ITFG1: variants seen among roughly 807,000 people sequenced by gnomAD.
ITFG1 encodes integrin alpha FG-GAP repeat containing 1.
Under a neutral mutation model 81.8 loss-of-function variants are expected in ITFG1, and 34 were observed. The ratio of observed to expected loss-of-function variants is 0.42; its 90% CI spans 0.32 to 0.55. The LOEUF (loss-of-function observed/expected upper bound fraction) is 0.55, where lower values mean the gene tolerates loss of function less well. ITFG1 is among the 20% of genes least tolerant of loss of function. ITFG1 has a pLI of 0.17. For synonymous variants in ITFG1, 285 were observed against 270.6 expected (o/e 1.05, Z -0.52); for missense variants, 672 against 755.4 (o/e 0.89, Z 1.29).
intron 17 of ITFG1, among the ~76,000 whole-genome samples, chr16:47,156,391 T>C (rs1222118396): frequency 2.0e-5 from 3 of 152,140 alleles, no homozygotes; most frequent in African/African-American, 7.2e-5. Context: ...TGAGTCAAGA[T>C]TGCACCACTG....
At chr16:47,432,091 C>T (rs1012934600) in intron 5 of ITFG1, among the ~76,000 whole-genome samples, 2 of 152,214 alleles carry the variant, frequency 1.3e-5, no homozygotes, top group Non-Finnish European at 2.9e-5. Flanking sequence ...TCATCAATAT[C>T]TGTAGCCACA....
intron 6 of ITFG1, among the ~76,000 whole-genome samples, chr16:47,422,326 C>T (rs1968961356): frequency 6.6e-6 from 1 of 152,222 alleles, no homozygotes; most frequent in Admixed American, 6.5e-5. Context: ...TCTCCACATC[C>T]TCTCCAGCAT....
Position 47,375,923 on chromosome 16 carries a change from A to G in ITFG1, c.673T>C (p.Leu225=), listed in dbSNP as rs746798171. 3.2e-5 allele frequency: 51 copies of G among 1,604,592 alleles called. No individual in the cohort carries two copies. The highest frequency in any genetic ancestry group is 3.8e-5 in the Non-Finnish European group (45 of 1,172,046). The change falls in exon 7 of 18, where the codon TTG becomes CTG. Residue 225 remains leucine, a synonymous_variant. Transcript: ENST00000320640. The stretch of plus-strand genomic sequence containing the variant: ...TGGAAGGTACTAGTGGTGGCATTCA[A>G]TGTCGTCAGGAATAAATCTAGAAGG... The part of the protein sequence containing the change: ...DFTADLFLTT[L]NATTSTFQFE...
intron 8 of ITFG1, among the ~76,000 whole-genome samples, chr16:47,322,465 G>A (rs1019904556): frequency 2.0e-5 from 3 of 152,156 alleles, no homozygotes; most frequent in Admixed American, 6.5e-5. Flanking sequence ...GAGGTGGGTG[G>A]ATCACCTGAG....
intron 6 of ITFG1, among the ~76,000 whole-genome samples, chr16:47,411,620 C>A (rs1187947290): frequency 6.6e-6 from 1 of 152,158 alleles, no homozygotes; most frequent in Non-Finnish European, 1.5e-5. Context: ...GGACGACCAG[C>A]AGGACTCTGA....
chr16:47,342,062 G>A (rs1967791577), intron 8 of ITFG1, among the ~76,000 whole-genome samples: 1 of 152,060 alleles, frequency 6.6e-6, no homozygotes, highest in Non-Finnish European at 1.5e-5. Context: ...TTCCCAACTC[G>A]TTTTATGAAG....
chr16:47,310,834 T>G (rs1648952736), intron 10 of ITFG1, among the ~76,000 whole-genome samples: 1 of 152,152 alleles, frequency 6.6e-6, no homozygotes, highest in Non-Finnish European at 1.5e-5. Flanking sequence ...AGAGTCTGAG[T>G]AATATGACCA....
chr16:47,304,958 A>G (rs949445839), intron 10 of ITFG1, among the ~76,000 whole-genome samples: 2 of 152,208 alleles, frequency 1.3e-5, no homozygotes, highest in Non-Finnish European at 2.9e-5. Context: ...CTTAAGAAAT[A>G]CAAAAGTTAA....
intron 13 of ITFG1, among the ~76,000 whole-genome samples, chr16:47,228,018 A>C (rs1965775581): frequency 1.3e-5 from 2 of 152,214 alleles, no homozygotes; most frequent in Non-Finnish European, 2.9e-5. Flanking sequence ...TAAATAAAAC[A>C]TTATTTCCTT....
intron 14 of ITFG1, among the ~76,000 whole-genome samples, chr16:47,197,914 A>T (rs1185962888): frequency 6.6e-6 from 1 of 152,194 alleles, no homozygotes; most frequent in East Asian, 1.9e-4. Context: ...CTCTGACTTT[A>T]CTTCAGTATG....
At chr16:47,250,698 G>A (rs1361948944) in intron 12 of ITFG1, among the ~76,000 whole-genome samples, 1 of 152,148 alleles carries the variant, frequency 6.6e-6, no homozygotes, top group Non-Finnish European at 1.5e-5. Flanking sequence ...TCACTGCAAT[G>A]TTCAAAAATA....
intron 13 of ITFG1, among the ~76,000 whole-genome samples, chr16:47,223,297 C>T (rs1348251300): frequency 2.0e-5 from 3 of 152,120 alleles, no homozygotes; most frequent in Non-Finnish European, 2.9e-5. Context: ...AGTGAACAGG[C>T]AACCTACAAA....
intron 8 of ITFG1, among the ~76,000 whole-genome samples, chr16:47,341,427 A>G (rs949404059): frequency 6.7e-6 from 1 of 150,282 alleles, no homozygotes. Flanking sequence ...GAAAAAAAAA[A>G]AGAAAATACT....
chr16:47,342,012 CCTT>C (rs1967790797), intron 8 of ITFG1, among the ~76,000 whole-genome samples: 1 of 152,144 alleles, frequency 6.6e-6, no homozygotes, highest in South Asian at 2.1e-4. Flanking sequence ...TAGCATCAAA[CCTT>C]CTCAAATTCT....
intron 10 of ITFG1, among the ~76,000 whole-genome samples, chr16:47,285,152 G>A (rs992325838): frequency 6.6e-6 from 1 of 152,232 alleles, no homozygotes; most frequent in Admixed American, 6.5e-5. Context: ...CTCCGTTCAC[G>A]CTAATGTTCC....
chr16:47,187,040 A>G (rs1965227790), intron 14 of ITFG1, among the ~76,000 whole-genome samples: 1 of 152,164 alleles, frequency 6.6e-6, no homozygotes, highest in Admixed American at 6.5e-5. Context: ...AATACCTAGG[A>G]ATCCAACTTA....
chr16:47,263,963 A>G (rs1966243582), intron 10 of ITFG1, among the ~76,000 whole-genome samples: 1 of 152,220 alleles, frequency 6.6e-6, no homozygotes, highest in Non-Finnish European at 1.5e-5. Context: ...GATTTAAGCC[A>G]AAGGAGGAAG....
intron 10 of ITFG1, among the ~76,000 whole-genome samples, chr16:47,298,437 GCTT>G (rs1002045861): frequency 9.9e-5 from 15 of 151,908 alleles, no homozygotes; most frequent in African/African-American, 3.6e-4. Context: ...GAAAACAGTT[GCTT>G]CTTCTTGCTT....
At position 47,378,715 on chromosome 16, in the gene ITFG1, G is replaced by T. The variant is rs973646997; in HGVS notation, c.656-2775C>A. On this transcript the variant is annotated intron_variant, in intron 6 of 17. Coordinates refer to ENST00000320640, the MANE Select transcript of ITFG1 (RefSeq NM_030790.5). ...CATCTTACTATTCAATTATGTAAAG[G>T]GGCATAGAAAAAATAAATGATTCAT... Among the ~76,000 whole-genome samples the T allele has an allele frequency of 5.3e-5, 8 of 151,624 alleles. No individual in the cohort carries two copies. In the South Asian group the frequency reaches 1.7e-3, roughly 32 times the overall value.
Sources: gnomAD v4.1 joint callset for allele counts (sites outside exome capture counted in the v4.1 genomes callset) on GRCh38, gnomAD v4.1.1 for gene constraint, MANE v1.5 for transcripts, NCBI Gene and HGNC (gene_info 2026-07-23, HGNC 2026-07-21) for gene names.